HPSE2: variants seen among roughly 807,000 people sequenced by gnomAD.
HPSE2 encodes the protein inactive heparanase-2.
Under a neutral mutation model 60.5 loss-of-function variants are expected in HPSE2, and 38 were observed. That is an observed-to-expected ratio of 0.63 (90% CI 0.48 to 0.82). The LOEUF (loss-of-function observed/expected upper bound fraction) is 0.82. Among genes scored for constraint, HPSE2 ranks in the 40% least tolerant of loss-of-function variants. The pLI is 0.00. For missense variants in HPSE2, 713 were observed against 740.4 expected (o/e 0.96, Z 0.43); for synonymous variants, 295 against 293.2 (o/e 1.01, Z -0.06).
At chr10:98,726,668 A>T (rs994552854) in intron 4 of HPSE2, among the ~76,000 whole-genome samples, 3 of 129,432 alleles carry the variant, frequency 2.3e-5, no homozygotes, top group African/African-American at 5.5e-5. Context: ...ATAATAATAA[A>T]AGAAATATAA....
intron 3 of HPSE2, among the ~76,000 whole-genome samples, chr10:98,862,705 A>G (rs1412327242): frequency 6.6e-6 from 1 of 152,168 alleles, no homozygotes. Flanking sequence ...GGCAAGAGAC[A>G]ACTATTAAGG....
intron 9 of HPSE2, among the ~76,000 whole-genome samples, chr10:98,566,294 C>G (rs1372718452): frequency 6.6e-6 from 1 of 152,202 alleles, no homozygotes; most frequent in Non-Finnish European, 1.5e-5. Flanking sequence ...TCTGACTGCT[C>G]TTTTCACAAA....
chr10:98,978,236 A>C (rs780862091), intron 3 of HPSE2, among the ~76,000 whole-genome samples: 2 of 152,226 alleles, frequency 1.3e-5, no homozygotes, highest in Non-Finnish European at 2.9e-5. Flanking sequence ...ATAGGAGATA[A>C]ATTTTTTTAA....
At chr10:99,311,170 A>C in the HPSE2 span, among the ~76,000 whole-genome samples, 1 of 152,252 alleles carries the variant, frequency 6.6e-6, no homozygotes, top group African/African-American at 2.4e-5. Flanking sequence ...CTTCTGAGTC[A>C]TATTGTCATG....
At chr10:99,277,184 AATCATCTCTATCAT>A in the HPSE2 span, among the ~76,000 whole-genome samples, 1 of 152,218 alleles carries the variant, frequency 6.6e-6, no homozygotes, top group African/African-American at 2.4e-5. Context: ...ACATAAAAAC[AATCATCTCTATCAT>A]ATCATCTTAT....
intron 3 of HPSE2, among the ~76,000 whole-genome samples, chr10:99,129,771 G>C (rs1206101516): frequency 1.6e-5 from 2 of 124,558 alleles, no homozygotes; most frequent in African/African-American, 5.9e-5. Context: ...CAGAAGAAAA[G>C]AAATCAAGAT....
At chr10:98,795,424 G>A (rs576317879) in intron 3 of HPSE2, among the ~76,000 whole-genome samples, 1 of 152,216 alleles carries the variant, frequency 6.6e-6, no homozygotes, top group African/African-American at 2.4e-5. Context: ...CCTTGTCACA[G>A]AGAGCAAAGC....
At chr10:98,744,343 C>G (rs1229172430) in intron 3 of HPSE2, among the ~76,000 whole-genome samples, 1 of 151,974 alleles carries the variant, frequency 6.6e-6, no homozygotes, top group Non-Finnish European at 1.5e-5. Context: ...GCCTGACCAA[C>G]CTGGAGAAAC....
At chr10:98,500,944 C>T (rs112297460) in intron 9 of HPSE2, among the ~76,000 whole-genome samples, 1,712 of 151,952 alleles carry the variant, frequency 0.011, 28 homozygotes, top group African/African-American at 0.037. Context: ...ACTAGAAAAC[C>T]TAGAAGAGGT....
At chr10:99,032,438 G>A (rs1172488797) in intron 3 of HPSE2, among the ~76,000 whole-genome samples, 6 of 152,108 alleles carry the variant, frequency 3.9e-5, no homozygotes, top group Non-Finnish European at 5.9e-5. Flanking sequence ...TTCCACTGAA[G>A]TAACCCAGGA....
chr10:98,970,010 GGAGTGCAATGGCGT>G (rs915264284), intron 3 of HPSE2, among the ~76,000 whole-genome samples: 2 of 151,416 alleles, frequency 1.3e-5, no homozygotes, highest in African/African-American at 2.4e-5. Context: ...TTGCCCAGCT[GGAGTGCAATGGCGT>G]GATCTCAGCT....
intron 9 of HPSE2, among the ~76,000 whole-genome samples, chr10:98,510,828 A>G (rs576840129): frequency 1.4e-5 from 2 of 145,156 alleles, no homozygotes; most frequent in Non-Finnish European, 3.1e-5. Context: ...GCATGTAAAC[A>G]CCCTCTGTGA....
intron 3 of HPSE2, among the ~76,000 whole-genome samples, chr10:98,832,210 G>A (rs990944635): frequency 6.6e-6 from 1 of 152,162 alleles, no homozygotes; most frequent in African/African-American, 2.4e-5. Context: ...TGAGCAGCAT[G>A]GGTTAAATCC....
chr10:99,256,071 A>AT, the HPSE2 span, among the ~76,000 whole-genome samples: 1 of 151,938 alleles, frequency 6.6e-6, no homozygotes, highest in African/African-American at 2.4e-5. Flanking sequence ...AGATCTCATG[A>AT]TAACTCAGCA....
At chr10:99,238,910 C>T (rs1399021451), upstream of HPSE2, among the ~76,000 whole-genome samples, 1 of 152,152 alleles carries the variant, frequency 6.6e-6, no homozygotes, top group East Asian at 1.9e-4. Context: ...TCTGTAATCC[C>T]AGCACTTTGG....
chr10:98,830,242 T>C (rs371568247), intron 3 of HPSE2, among the ~76,000 whole-genome samples: 4 of 152,090 alleles, frequency 2.6e-5, no homozygotes, highest in African/African-American at 9.7e-5. Flanking sequence ...TTACATTCTA[T>C]TGGGGAAGAC....
chr10:99,023,465 C>T (rs1218542000), intron 3 of HPSE2, among the ~76,000 whole-genome samples: 1 of 152,114 alleles, frequency 6.6e-6, no homozygotes, highest in Admixed American at 6.5e-5. Flanking sequence ...GACATTGCCA[C>T]TTGCTGATTG....
chr10:99,036,984 T>C (rs1392964020), intron 3 of HPSE2, among the ~76,000 whole-genome samples: 1 of 152,128 alleles, frequency 6.6e-6, no homozygotes, highest in Non-Finnish European at 1.5e-5. Context: ...AGAGCAAGAT[T>C]AGTATCACTA....
At chr10:98,592,142 G>T (rs1467084297) in intron 9 of HPSE2, among the ~76,000 whole-genome samples, 1 of 152,132 alleles carries the variant, frequency 6.6e-6, no homozygotes, top group South Asian at 2.1e-4. Context: ...TCTTGACTTT[G>T]GTCATTCATT....
Sources: gnomAD v4.1 joint callset for allele counts (sites outside exome capture counted in the v4.1 genomes callset) on GRCh38, gnomAD v4.1.1 for gene constraint, MANE v1.5 for transcripts, NCBI Gene and HGNC (gene_info 2026-07-23, HGNC 2026-07-21) for gene names.